XKR9: variants seen among roughly 807,000 people sequenced by gnomAD.
XKR9 encodes XK related 9.
XKR9 carries 32 observed loss-of-function variants against 32.0 expected under a neutral mutation model. The observed-to-expected ratio is 1.00, with a 90% CI of 0.76 to 1.34. The LOEUF (loss-of-function observed/expected upper bound fraction) is 1.34. XKR9 is among the 40% of genes most tolerant of loss of function. The pLI, the probability that XKR9 is intolerant of heterozygous loss-of-function variation, is 0.00. For missense variants in XKR9, 546 were observed against 429.7 expected (o/e 1.27, Z -2.39); for synonymous variants, 168 against 143.4 (o/e 1.17, Z -1.22).
At chr8:70,888,861 GT>G in the XKR9 span, among the ~76,000 whole-genome samples, 2 of 151,866 alleles carry the variant, frequency 1.3e-5, no homozygotes, top group Admixed American at 6.6e-5. Context: ...CAATAGATTT[GT>G]AGCATATTTT....
At chr8:70,683,395 A>T in intron 3 of XKR9, 1 of 344,144 alleles carries the variant, frequency 2.9e-6, no homozygotes, top group Non-Finnish European at 5.7e-6. Flanking sequence ...TATGTAGTTA[A>T]ATTCTACTGA....
At chr8:70,836,361 C>G in the XKR9 span, among the ~76,000 whole-genome samples, 1 of 151,990 alleles carries the variant, frequency 6.6e-6, no homozygotes, top group South Asian at 2.1e-4. Flanking sequence ...TGCTCCCTAC[C>G]CTGAGGTGAC....
chr8:70,741,793 C>T (rs1259449341), intron 2 of XKR9, among the ~76,000 whole-genome samples: 2 of 152,070 alleles, frequency 1.3e-5, no homozygotes, highest in Non-Finnish European at 2.9e-5. Flanking sequence ...TACTTGATCA[C>T]GTGGTAATTC....
At chr8:70,924,428 A>T in the XKR9 span, among the ~76,000 whole-genome samples, 1 of 152,096 alleles carries the variant, frequency 6.6e-6, no homozygotes, top group African/African-American at 2.4e-5. Context: ...TATTATCTAT[A>T]GGGGGAAAAT....
intron 2 of XKR9, among the ~76,000 whole-genome samples, chr8:70,772,926 C>T (rs765926161): frequency 9.2e-5 from 14 of 151,986 alleles, no homozygotes; most frequent in African/African-American, 2.7e-4. Context: ...TGGTTTCAGT[C>T]GAAAAGTGTT....
chr8:70,974,806 A>G, the XKR9 span, among the ~76,000 whole-genome samples: 1 of 152,208 alleles, frequency 6.6e-6, no homozygotes, highest in Non-Finnish European at 1.5e-5. Flanking sequence ...ATCCTTGAGG[A>G]AACACCACAC....
chr8:70,926,110 T>C, the XKR9 span, among the ~76,000 whole-genome samples: 2 of 152,212 alleles, frequency 1.3e-5, no homozygotes, highest in Non-Finnish European at 2.9e-5. Flanking sequence ...ATTTTGCTCT[T>C]GTTGCCTAGG....
the XKR9 span, among the ~76,000 whole-genome samples, chr8:70,909,013 T>G: frequency 3.8e-4 from 58 of 152,332 alleles, no homozygotes; most frequent in South Asian, 3.3e-3. Context: ...ATTGAATATT[T>G]TTTTATTTCC....
the XKR9 span, among the ~76,000 whole-genome samples, chr8:70,811,536 A>C: frequency 6.6e-6 from 1 of 152,228 alleles, no homozygotes; most frequent in African/African-American, 2.4e-5. Context: ...AAATTGATAG[A>C]CTGGTAGCAA....
At chr8:70,707,239 T>C (rs1397838997) in intron 4 of XKR9, 86 bp downstream of exon 4, 29 of 968,410 alleles carry the variant, frequency 3.0e-5, no homozygotes, top group East Asian at 2.6e-4. Flanking sequence ...CTTTAGAAAT[T>C]TTTAATACTT....
chr8:70,812,955 A>G, the XKR9 span, among the ~76,000 whole-genome samples: 1 of 152,184 alleles, frequency 6.6e-6, no homozygotes, highest in African/African-American at 2.4e-5. Flanking sequence ...TAAATTTCAT[A>G]TGGAACCAAA....
chr8:70,727,984 A>G (rs1484104214), intron 4 of XKR9, among the ~76,000 whole-genome samples: 1 of 152,190 alleles, frequency 6.6e-6, no homozygotes, highest in African/African-American at 2.4e-5. Context: ...CTCCTAAACT[A>G]TAATTTCTAA....
intron 4 of XKR9, among the ~76,000 whole-genome samples, chr8:70,730,555 G>A (rs1407620431): frequency 6.6e-6 from 1 of 150,966 alleles, no homozygotes; most frequent in Non-Finnish European, 1.5e-5. Context: ...GATGCATAAA[G>A]TGTTTTAAAG....
chr8:70,689,178 A>C (rs1171370342), intron 3 of XKR9, among the ~76,000 whole-genome samples: 1 of 152,182 alleles, frequency 6.6e-6, no homozygotes, highest in African/African-American at 2.4e-5. Context: ...CCATCTACCC[A>C]GTAGAATAAT....
At chr8:70,947,831 G>A in the XKR9 span, among the ~76,000 whole-genome samples, 1 of 152,170 alleles carries the variant, frequency 6.6e-6, no homozygotes, top group African/African-American at 2.4e-5. Flanking sequence ...CCAGGAAACT[G>A]TAAGGTATTT....
the XKR9 span, among the ~76,000 whole-genome samples, chr8:71,022,427 G>A: frequency 6.6e-6 from 1 of 151,888 alleles, no homozygotes; most frequent in Admixed American, 6.6e-5. Context: ...TTTTTTTTCA[G>A]AATTTTAAAT....
chr8:70,742,905 T>C (rs1231595317), intron 2 of XKR9, among the ~76,000 whole-genome samples: 1 of 152,142 alleles, frequency 6.6e-6, no homozygotes, highest in Admixed American at 6.5e-5. Flanking sequence ...TAGTTTTTTC[T>C]TTGTATTTCT....
chr8:70,908,563 G>C, the XKR9 span, among the ~76,000 whole-genome samples: 1 of 152,192 alleles, frequency 6.6e-6, no homozygotes, highest in Admixed American at 6.5e-5. Context: ...TTTCCTGTAA[G>C]GAATTGGATA....
chr8:71,044,238 A>G, the XKR9 span, among the ~76,000 whole-genome samples: 1 of 152,160 alleles, frequency 6.6e-6, no homozygotes, highest in Non-Finnish European at 1.5e-5. Context: ...AAATCTCCTC[A>G]AAAAAGACTT....
Sources: gnomAD v4.1 joint callset for allele counts (sites outside exome capture counted in the v4.1 genomes callset) on GRCh38, gnomAD v4.1.1 for gene constraint, MANE v1.5 for transcripts, NCBI Gene and HGNC (gene_info 2026-07-23, HGNC 2026-07-21) for gene names.